The following TMEM178B variants were observed in gnomAD, a reference collection of about 807,000 sequenced individuals.
TMEM178B encodes the protein transmembrane protein 178B.
A neutral mutation model predicts 31.0 loss-of-function variants in TMEM178B; 5 were observed. The observed-to-expected ratio is 0.16, with a 90% CI of 0.08 to 0.34. TMEM178B has a LOEUF of 0.34. Among genes scored for constraint, TMEM178B ranks in the 10% least tolerant of loss-of-function variants. The pLI is 1.00. For missense variants in TMEM178B, 275 were observed against 400.3 expected (o/e 0.69, Z 2.67); for synonymous variants, 164 against 164.0 (o/e 1.00, Z 0.00).
rs189049775 is a variant in TMEM178B, at chr7:141,095,455, G to A, written c.382+20763G>A. On this transcript the variant is annotated intron_variant, in intron 1 of 3. Transcript: ENST00000565468. ...CCATAAAATGTTTTTTGGAATGTGT[G>A]TCATGACCAATTTTATTTTTTCAAA... Among the ~76,000 whole-genome samples the A allele has an allele frequency of 5.9e-5, 9 of 152,250 alleles. No homozygotes were observed. The East Asian group carries it at 1.7e-3, about 29-fold the overall frequency.
chr7:141,485,570 A>G, the TMEM178B span, among the ~76,000 whole-genome samples: 5 of 152,230 alleles, frequency 3.3e-5, no homozygotes, highest in Admixed American at 3.3e-4. Context: ...TTAAAATGTC[A>G]ATGGCCTGTG....
chr7:141,506,477 C>G, the TMEM178B span, among the ~76,000 whole-genome samples: 2 of 152,112 alleles, frequency 1.3e-5, no homozygotes, highest in Non-Finnish European at 2.9e-5. Flanking sequence ...AAAGGAGAAA[C>G]CCCTGATAAA....
chr7:141,355,195 T>C (rs1799797526), intron 2 of TMEM178B, among the ~76,000 whole-genome samples: 1 of 152,142 alleles, frequency 6.6e-6, no homozygotes. Flanking sequence ...TCTCCAGCTT[T>C]ATTGAAGGGA....
intron 2 of TMEM178B, among the ~76,000 whole-genome samples, chr7:141,361,643 A>G (rs1799920465): frequency 6.6e-6 from 1 of 152,246 alleles, no homozygotes; most frequent in Non-Finnish European, 1.5e-5. Context: ...GTCAGAGCAG[A>G]GTAACCCTTG....
intron 2 of TMEM178B, among the ~76,000 whole-genome samples, chr7:141,233,217 A>T (rs2129191975): frequency 6.6e-6 from 1 of 152,308 alleles, no homozygotes; most frequent in South Asian, 2.1e-4. Context: ...AGGGCAAGGG[A>T]CATACATTTT....
chr7:141,079,257 A>G (rs1794646395), intron 1 of TMEM178B, among the ~76,000 whole-genome samples: 2 of 152,214 alleles, frequency 1.3e-5, no homozygotes, highest in African/African-American at 4.8e-5. Context: ...GTTGCACTCC[A>G]GCCTGGGTGA....
At chr7:141,405,388 A>G (rs2116625844) in intron 2 of TMEM178B, among the ~76,000 whole-genome samples, 1 of 152,354 alleles carries the variant, frequency 6.6e-6, no homozygotes, top group East Asian at 1.9e-4. Context: ...CCTTTCCCCA[A>G]GTCCAGAGAC....
chr7:141,212,016 GT>G (rs1797059560), intron 1 of TMEM178B, among the ~76,000 whole-genome samples: 1 of 152,160 alleles, frequency 6.6e-6, no homozygotes, highest in South Asian at 2.1e-4. Context: ...GCTTTGATTG[GT>G]GTTGAGTCTG....
At chr7:141,081,731 T>A (rs1447533369) in intron 1 of TMEM178B, among the ~76,000 whole-genome samples, 1 of 152,130 alleles carries the variant, frequency 6.6e-6, no homozygotes, top group African/African-American at 2.4e-5. Flanking sequence ...TACAGTGAGC[T>A]GAGGTTATTG....
chr7:141,138,267 T>C (rs1185544251), intron 1 of TMEM178B, among the ~76,000 whole-genome samples: 2 of 152,054 alleles, frequency 1.3e-5, no homozygotes, highest in African/African-American at 2.4e-5. Flanking sequence ...TTCACCATGT[T>C]AGCCAGGATG....
rs1554478038 is a variant in TMEM178B, at chr7:141,344,569, C to CTCCTCCCTTCCT, written c.497-93034_497-93023dup. ...TCTCCCTCCCTCCCTCCATTCCTCCCTCCTCCCTTCCTTCCTTCCTTCCTT... is the reference window on the plus strand; with the variant it reads ...TCTCCCTCCCTCCCTCCATTCCTCCCTCCTCCCTTCCTTCCTCCCTTCCTTCCTTCCTTCCTT... On this transcript the variant is annotated intron_variant, in intron 2 of 3. Coordinates refer to ENST00000565468, the MANE Select transcript of TMEM178B (RefSeq NM_001195278.2). This position sits in a 1 kb window ranked among gnomAD's most constrained non-coding sequence, Gnocchi z 4.1. 3.1e-3 allele frequency among the ~76,000 whole-genome samples: 437 copies of CTCCTCCCTTCCT among 142,282 alleles called. 4 individuals carry two copies. Among genetic ancestry groups the CTCCTCCCTTCCT allele is most frequent in the African/African-American group, 0.011 (416 of 37,398 alleles). 93.3% of individuals were successfully genotyped at this position (142,282 alleles called of 152,430 possible).
chr7:141,082,876 C>G (rs1003419317), intron 1 of TMEM178B, among the ~76,000 whole-genome samples: 1 of 152,160 alleles, frequency 6.6e-6, no homozygotes, highest in African/African-American at 2.4e-5. Context: ...GGAGTGAGCT[C>G]TTTTTATTGA....
intron 2 of TMEM178B, among the ~76,000 whole-genome samples, chr7:141,426,622 G>A (rs191892221): frequency 1.6e-4 from 25 of 152,258 alleles, no homozygotes; most frequent in African/African-American, 5.3e-4. Context: ...AGCATGGGGG[G>A]CTTAGAGAAA....
intron 2 of TMEM178B, among the ~76,000 whole-genome samples, chr7:141,288,427 G>A (rs1330460961): frequency 6.6e-6 from 1 of 150,664 alleles, no homozygotes; most frequent in Non-Finnish European, 1.5e-5. Context: ...TTTTCCTGCT[G>A]GCTCCTTAGC....
At chr7:141,308,607 A>C (rs904130563) in intron 2 of TMEM178B, among the ~76,000 whole-genome samples, 1 of 152,176 alleles carries the variant, frequency 6.6e-6, no homozygotes, top group Non-Finnish European at 1.5e-5. Flanking sequence ...AAACAGATAC[A>C]TGTGGGGCTG....
At chr7:141,134,303 G>GA (rs1445206898) in intron 1 of TMEM178B, among the ~76,000 whole-genome samples, 1 of 151,226 alleles carries the variant, frequency 6.6e-6, no homozygotes, top group South Asian at 2.1e-4. Flanking sequence ...AGAAAGGGGG[G>GA]AAAAAAAAGA....
At chr7:141,441,217 G>A (rs924939829) in intron 3 of TMEM178B, among the ~76,000 whole-genome samples, 2 of 152,186 alleles carry the variant, frequency 1.3e-5, no homozygotes, top group African/African-American at 4.8e-5. Flanking sequence ...AGAGCCTGGG[G>A]CATCAACCCA....
intron 2 of TMEM178B, chr7:141,431,196 A>G (rs1340861336): frequency 6.6e-6 from 1 of 151,976 alleles, no homozygotes; most frequent in Non-Finnish European, 1.5e-5. Flanking sequence ...TGAAAAAAAA[A>G]TCCCAGTCAT....
At chr7:141,279,050 A>C (rs1160747217) in intron 2 of TMEM178B, among the ~76,000 whole-genome samples, 1 of 152,206 alleles carries the variant, frequency 6.6e-6, no homozygotes, top group Non-Finnish European at 1.5e-5. Flanking sequence ...AAAATGTCTG[A>C]TCAAGGTAAG....
Sources: gnomAD v4.1 joint callset for allele counts (sites outside exome capture counted in the v4.1 genomes callset) on GRCh38, gnomAD v4.1.1 for gene constraint, Gnocchi (gnomAD v3.1) non-coding constraint, MANE v1.5 for transcripts, NCBI Gene and HGNC (gene_info 2026-07-23, HGNC 2026-07-21) for gene names.